Variants in FAT2 observed in about 807,000 individuals in gnomAD.
FAT2 encodes the protein FAT atypical cadherin 2.
Under a neutral mutation model 295.3 loss-of-function variants are expected in FAT2, and 150 were observed. The observed-to-expected ratio is 0.51, with a 90% CI of 0.44 to 0.58. The LOEUF (loss-of-function observed/expected upper bound fraction) is 0.58. Ranked by LOEUF, FAT2 falls within the 20% of genes least tolerant of loss-of-function variation. FAT2 has a pLI of 0.00. For synonymous variants in FAT2, 2,026 were observed against 2,150.3 expected, an observed-to-expected ratio of 0.94 and a Z score of 1.60; for missense variants, 4,868 against 5,442.7, an observed-to-expected ratio of 0.89 and a Z score of 3.32.
intron 1 of FAT2, among the ~76,000 whole-genome samples, chr5:151,575,590 A>T (rs1417506622): frequency 6.6e-6 from 1 of 152,256 alleles, no homozygotes; most frequent in East Asian, 1.9e-4. Flanking sequence ...GTGATGTACC[A>T]TCATCATCTG....
Position 151,506,033 on chromosome 5 carries a change from G to A in FAT2, c.12582C>T (p.Pro4194=), listed in dbSNP as rs750181909. 1.1e-5 allele frequency: 17 copies of A among 1,568,776 alleles called. No individual in the cohort carries two copies. The African/African-American group carries it at 1.9e-4, about 18-fold the overall frequency. Residue 4194 remains proline, a synonymous_variant, in exon 24 of 24, where the codon CCC becomes CCT. Coordinates refer to ENST00000261800, the MANE Select transcript of FAT2 (RefSeq NM_001447.3). ...GAGGGCCCTGAGTCACTTCGGAGTG[G>A]GGGTATTCCCAGCGTTCGTTCCTGG... is the stretch of plus-strand genomic sequence containing the variant. ...TYSRNERWEY[P]HSEVTQGPLP...
At chr5:151,575,100 G>A (rs906602199) in intron 1 of FAT2, among the ~76,000 whole-genome samples, 1 of 152,232 alleles carries the variant, frequency 6.6e-6, no homozygotes, top group African/African-American at 2.4e-5. Context: ...AGCTGGCAGA[G>A]AGGCCATCTT....
At chr5:151,572,475 G>C (rs1758570606) in intron 1 of FAT2, among the ~76,000 whole-genome samples, 1 of 152,232 alleles carries the variant, frequency 6.6e-6, no homozygotes, top group Admixed American at 6.5e-5. Context: ...GGAAAGAGCT[G>C]TGGTCACTTA....
chr5:151,553,340 C>CCGT lies in FAT2; in HGVS notation c.3992_3993insACG (p.Arg1331dup). ...GCCAAGGGATCCACTCAATGTGTAG[C>CCGT]CGGACACTGGCTGAGAGTGGTGGCT... On this transcript the variant is annotated inframe_insertion, in exon 6 of 24. Transcript: ENST00000261800. 1 of 1,614,244 alleles carries CCGT rather than the reference C, an allele frequency of 6.2e-7. No homozygotes were observed. The highest frequency in any genetic ancestry group is 8.5e-7 in the Non-Finnish European group (1 of 1,180,056).
intron 2 of FAT2, among the ~76,000 whole-genome samples, chr5:151,564,738 C>T (rs562329679): frequency 1.3e-4 from 20 of 152,282 alleles, no homozygotes; most frequent in East Asian, 1.2e-3. Flanking sequence ...CTTATTAACA[C>T]AGAAGATGCA....
Position 151,506,016 on chromosome 5 carries a change from TG to T in FAT2, c.12598del (p.Gln4200ArgfsTer16), listed in dbSNP as rs2127562868. On this transcript the variant is annotated frameshift_variant, in exon 24 of 24. Coordinates refer to ENST00000261800, the MANE Select transcript of FAT2 (RefSeq NM_001447.3). LOFTEE classifies it high-confidence loss of function. ...RWEYPHSEVT[Q>X]GPLPPSAHRH... ...GTGAGCCGAGGGCGGCAGAGGGCCC[TG>T]AGTCACTTCGGAGTGGGGGTATTCC... 6.3e-7 allele frequency: 1 copy of T among 1,575,290 alleles called. No homozygotes were observed. Among genetic ancestry groups the T allele is most frequent in the East Asian group, 2.2e-5 (1 of 44,634 alleles).
In FAT2 at chr5:151,544,612, T is replaced by C; in HGVS notation, c.6515A>G (p.Gln2172Arg). The part of the protein sequence containing the change: ...TVRNKSNPLF[Q>R]SPYYKVRVPE... The stretch of plus-strand genomic sequence containing the variant: ...TACTCTGACTTTGTAATAAGGACTC[T>C]GAAACAGTGGGTTGGATTTATTTCT... The change falls in exon 10 of 24, where the codon CAG becomes CGG. Residue 2172 changes from glutamine (Q) to arginine (R), a missense_variant. Physicochemically the swap from Gln to Arg is conservative, Grantham distance 43. Around this residue, in one of 5 missense-constraint regions of FAT2, gnomAD observed 3,297 missense variants for 3,669.4 expected, o/e 0.90. Coordinates refer to ENST00000261800, the MANE Select transcript of FAT2 (RefSeq NM_001447.3). The C allele has an allele frequency of 6.2e-7, 1 of 1,614,174 alleles. No homozygotes were observed. Among genetic ancestry groups the C allele is most frequent in the Non-Finnish European group, 8.5e-7 (1 of 1,180,034 alleles).
chr5:151,510,471 C>T (rs1168610827), intron 21 of FAT2: 3 of 245,416 alleles, frequency 1.2e-5, no homozygotes, highest in Middle Eastern at 1.3e-3. Flanking sequence ...CAAGGATCTT[C>T]CTGTGTTGGC....
intron 23 of FAT2, 105 bp from the exon 24 acceptor site, chr5:151,506,202 G>A: frequency 7.9e-7 from 1 of 1,265,274 alleles, no homozygotes; most frequent in Non-Finnish European, 1.1e-6. Flanking sequence ...AGATGGGAGT[G>A]GGTGGGCATA....
chr5:151,514,022 A>G (rs1274686988), intron 20 of FAT2, among the ~76,000 whole-genome samples: 1 of 152,148 alleles, frequency 6.6e-6, no homozygotes, highest in Non-Finnish European at 1.5e-5. Flanking sequence ...CCTGTGACCA[A>G]ATACTTTTCT....
Position 151,540,647 on chromosome 5 carries a change from A to T in FAT2, c.8959T>A (p.Ser2987Thr). The T allele has an allele frequency of 6.2e-7, 1 of 1,614,194 alleles. No homozygotes were observed. The highest frequency in any genetic ancestry group is 8.5e-7 in the Non-Finnish European group (1 of 1,180,030). Reference sequence around the variant, plus strand: ...ACCGAAGCCTGGAACTTGCCATCAGATGCTGTGACTCTGAGCAAGTACTTG... The same window carrying T: ...ACCGAAGCCTGGAACTTGCCATCAGTTGCTGTGACTCTGAGCAAGTACTTG... Reference protein sequence around the residue: ...TAKYLLRVTASDGKFQASVTV... With the variant: ...TAKYLLRVTATDGKFQASVTV... The change falls in exon 11 of 24, where the codon TCT becomes ACT. Residue 2987 changes from serine (S) to threonine (T), a missense_variant. Coordinates refer to ENST00000261800, the MANE Select transcript of FAT2 (RefSeq NM_001447.3).
intron 1 of FAT2, among the ~76,000 whole-genome samples, 147 bp downstream of exon 1, chr5:151,591,018 C>A (rs998207598): frequency 2.0e-5 from 3 of 152,250 alleles, no homozygotes; most frequent in African/African-American, 2.4e-5. Context: ...TCCCTGTCTT[C>A]CCTCTCTGTG....
chr5:151,542,289 G>A lies in FAT2; in HGVS notation c.8838C>T (p.Ile2946=). Residue 2946 remains isoleucine (I), a synonymous_variant, in exon 10 of 24, where the codon ATC becomes ATT. Coordinates refer to ENST00000261800, the MANE Select transcript of FAT2 (RefSeq NM_001447.3). Reference sequence around the variant, plus strand: ...GTCCATGACAGGTGTTCTTACCTGTGATGTAGCAGGTGACCTGCCTGTTCT... The same window carrying A: ...GTCCATGACAGGTGTTCTTACCTGTAATGTAGCAGGTGACCTGCCTGTTCT... ...SEQNRQVTCY[I]TEGDPLGQFG... 1.3e-6 allele frequency: 2 copies of A among 1,593,376 alleles called. No homozygotes were observed. Among genetic ancestry groups the A allele is most frequent in the South Asian group, 2.3e-5 (2 of 86,894 alleles).
chr5:151,511,309 ATGT>A (rs1254701865), intron 21 of FAT2: 1 of 152,240 alleles, frequency 6.6e-6, no homozygotes, highest in African/African-American at 2.4e-5. Context: ...GGAACCTCTC[ATGT>A]TGTGTGTGAT....
At chr5:151,587,166 C>CAA (rs71575107) in intron 1 of FAT2, among the ~76,000 whole-genome samples, 46 of 147,216 alleles carry the variant, frequency 3.1e-4, no homozygotes, top group East Asian at 9.9e-4. Context: ...CAAAACAAAA[C>CAA]AAAAAAAAAA....
At chr5:151,554,102 C>T (rs575404834) in intron 5 of FAT2, among the ~76,000 whole-genome samples, 1 of 152,316 alleles carries the variant, frequency 6.6e-6, no homozygotes, top group African/African-American at 2.4e-5. Flanking sequence ...GGTTCCAAAG[C>T]CCCTGTTACT....
intron 21 of FAT2, chr5:151,511,908 C>A: frequency 1.9e-6 from 1 of 524,596 alleles, no homozygotes; most frequent in East Asian, 3.3e-5. Flanking sequence ...TAATTCAACC[C>A]TCTGCCCCTG....
At position 151,507,387 on chromosome 5, in the gene FAT2, G is replaced by C; in HGVS notation, c.12284C>G (p.Thr4095Ser). ...DLLARSVGVD[T>S]QAMPAIELNP... ...GAGCTCGATGGCAGGCATGGCTTGG[G>C]TGTCAACACCAACACTCCTGGCCAG... Residue 4095 changes from threonine (T) to serine (S), a missense_variant, in exon 23 of 24, where the codon ACC (threonine) becomes AGC (serine). Around this residue, in one of 5 missense-constraint regions of FAT2, gnomAD observed 492 missense variants for 482.6 expected, o/e 1.02. Transcript: ENST00000261800. 6.2e-7 allele frequency: 1 copy of C among 1,614,176 alleles called. No individual in the cohort carries two copies. The highest frequency in any genetic ancestry group is 8.5e-7 in the Non-Finnish European group (1 of 1,180,022).
At chr5:151,506,623 G>A (rs1462849546) in intron 23 of FAT2, among the ~76,000 whole-genome samples, 9 of 152,310 alleles carry the variant, frequency 5.9e-5, no homozygotes, top group East Asian at 3.9e-4. Context: ...GATGGGCCTC[G>A]GTTTCCGTAT....
Sources: allele counts gnomAD v4.1 joint callset (sites outside exome capture counted in the v4.1 genomes callset), GRCh38; gene constraint gnomAD v4.1.1; regional missense constraint gnomAD v4.1.1; transcripts MANE v1.5; gene names NCBI Gene and HGNC (gene_info 2026-07-23, HGNC 2026-07-21).